Variants in TRAPPC9 observed in about 807,000 individuals in gnomAD.
The protein encoded by TRAPPC9 is IKK2 binding protein.
Under a neutral mutation model 124.0 loss-of-function variants are expected in TRAPPC9, and 83 were observed. The ratio of observed to expected loss-of-function variants is 0.67; its 90% CI spans 0.56 to 0.80. TRAPPC9 has a LOEUF of 0.80. Ranked by LOEUF, TRAPPC9 falls within the 30% of genes least tolerant of loss-of-function variation. TRAPPC9 has a pLI of 0.00. For synonymous variants in TRAPPC9, 638 were observed against 617.5 expected (o/e 1.03, Z -0.49); for missense variants, 1,302 against 1,508.3 (o/e 0.86, Z 2.27).
At chr8:140,214,803 T>C (rs1039803225) in intron 17 of TRAPPC9, among the ~76,000 whole-genome samples, 8 of 152,114 alleles carry the variant, frequency 5.3e-5, no homozygotes, top group African/African-American at 1.9e-4. Flanking sequence ...TCTAGCTAAA[T>C]GGAGGAAGGC....
chr8:140,324,386 T>G (rs1039883505), intron 9 of TRAPPC9, among the ~76,000 whole-genome samples: 3 of 152,108 alleles, frequency 2.0e-5, no homozygotes, highest in African/African-American at 7.2e-5. Flanking sequence ...TAACAGAGCT[T>G]TACAATACAT....
chr8:139,751,794 G>GT (rs34329502), intron 21 of TRAPPC9, among the ~76,000 whole-genome samples: 1 of 146,308 alleles, frequency 6.8e-6, no homozygotes, highest in African/African-American at 2.6e-5. Flanking sequence ...CTGCCCCTTT[G>GT]ATTTTATTGG....
intron 2 of TRAPPC9, among the ~76,000 whole-genome samples, chr8:140,444,089 G>A (rs1405589133): frequency 6.9e-6 from 1 of 144,392 alleles, no homozygotes; most frequent in African/African-American, 2.6e-5. Flanking sequence ...GCACACACCT[G>A]TAGTCCCAGC....
chr8:140,287,531 G>A (rs1460568294), intron 13 of TRAPPC9, 77 bp downstream of exon 13: 26 of 1,580,074 alleles, frequency 1.6e-5, no homozygotes, highest in Admixed American at 6.7e-5. Context: ...ACGGGCGATC[G>A]GCTCTGGACC....
At chr8:140,427,703 C>G (rs186171445) in intron 4 of TRAPPC9, among the ~76,000 whole-genome samples, 18 of 152,166 alleles carry the variant, frequency 1.2e-4, no homozygotes, top group African/African-American at 4.1e-4. Context: ...AAAGGTATGT[C>G]CCAATAATCT....
chr8:140,191,245 A>G lies in TRAPPC9; in HGVS notation c.2556+30214T>C, dbSNP rs76000789. 7.4e-3 allele frequency among the ~76,000 whole-genome samples: 1,134 copies of G among 152,286 alleles called. 19 individuals are homozygous for G. The highest frequency in any genetic ancestry group is 0.026 in the African/African-American group (1,087 of 41,546). ...ACAAGAGCTGGTTGAGATCCATATT[A>G]TTCTTATTTTTCAAATAAACTGAGG... On this transcript the variant is annotated intron_variant, in intron 17 of 22. Coordinates refer to ENST00000438773, the MANE Select transcript of TRAPPC9 (RefSeq NM_001160372.4).
intron 21 of TRAPPC9, among the ~76,000 whole-genome samples, chr8:139,792,140 C>T (rs1822733226): frequency 6.6e-6 from 1 of 152,154 alleles, no homozygotes; most frequent in South Asian, 2.1e-4. Context: ...TACAGAGGCT[C>T]TAGGGGTAGA....
chr8:140,183,024 G>GA (rs1462071770), intron 17 of TRAPPC9, among the ~76,000 whole-genome samples: 2 of 148,440 alleles, frequency 1.3e-5, no homozygotes, highest in Admixed American at 6.6e-5. Flanking sequence ...CTGCATTATT[G>GA]GGGAAAAAAA....
intron 21 of TRAPPC9, among the ~76,000 whole-genome samples, chr8:139,774,624 C>G (rs1473798206): frequency 2.6e-5 from 4 of 152,218 alleles, no homozygotes; most frequent in African/African-American, 9.6e-5. Context: ...CCTCGGCCTC[C>G]CCAGGACCAG....
chr8:139,981,756 T>G (rs72683302), intron 19 of TRAPPC9, among the ~76,000 whole-genome samples: 107 of 152,300 alleles, frequency 7.0e-4, no homozygotes, highest in Non-Finnish European at 1.2e-3. Flanking sequence ...GAGGAGAAGT[T>G]GTGGAGCCCC....
chr8:140,186,862 C>A (rs1029729927), intron 17 of TRAPPC9, among the ~76,000 whole-genome samples: 1 of 152,156 alleles, frequency 6.6e-6, no homozygotes, highest in Admixed American at 6.5e-5. Context: ...CCCAACATTG[C>A]AAAATCTTTC....
chr8:139,892,047 T>C (rs1830385662), intron 20 of TRAPPC9, among the ~76,000 whole-genome samples: 1 of 152,142 alleles, frequency 6.6e-6, no homozygotes, highest in Non-Finnish European at 1.5e-5. Flanking sequence ...TGTTTCTGCA[T>C]GAATATGTGC....
At chr8:140,261,888 A>T (rs1385382504) in intron 15 of TRAPPC9, among the ~76,000 whole-genome samples, 1 of 152,114 alleles carries the variant, frequency 6.6e-6, no homozygotes, top group Admixed American at 6.6e-5. Flanking sequence ...GCCCAACACA[A>T]CCTGGAAGGA....
At chr8:140,369,017 A>G (rs575630353) in intron 8 of TRAPPC9, among the ~76,000 whole-genome samples, 17 of 152,362 alleles carry the variant, frequency 1.1e-4, no homozygotes, top group Non-Finnish European at 2.1e-4. Context: ...CGTGCCGTCC[A>G]TGGCTGCTTT....
chr8:140,030,096 T>C (rs1043726802), intron 17 of TRAPPC9, among the ~76,000 whole-genome samples: 1 of 152,130 alleles, frequency 6.6e-6, no homozygotes, highest in Non-Finnish European at 1.5e-5. Flanking sequence ...CATTTATAGT[T>C]TTTTAAAAAC....
At chr8:140,340,438 G>A (rs1443547319) in intron 9 of TRAPPC9, among the ~76,000 whole-genome samples, 1 of 152,154 alleles carries the variant, frequency 6.6e-6, no homozygotes, top group Middle Eastern at 3.2e-3. Flanking sequence ...AGAAAGAACT[G>A]TACAGCCTCA....
At chr8:139,979,303 G>A (rs1318813383) in intron 19 of TRAPPC9, among the ~76,000 whole-genome samples, 1 of 152,156 alleles carries the variant, frequency 6.6e-6, no homozygotes, top group Non-Finnish European at 1.5e-5. Flanking sequence ...AGGAAGGAGG[G>A]GTCCTGGGCT....
At chr8:140,150,217 G>A (rs1304342740) in intron 17 of TRAPPC9, among the ~76,000 whole-genome samples, 4 of 152,234 alleles carry the variant, frequency 2.6e-5, no homozygotes, top group Non-Finnish European at 2.9e-5. Context: ...GGAGGCTGAG[G>A]CAGGCAGATT....
intron 19 of TRAPPC9, among the ~76,000 whole-genome samples, chr8:139,917,685 C>A (rs971944262): frequency 1.3e-5 from 2 of 152,284 alleles, no homozygotes; most frequent in Admixed American, 1.3e-4. Flanking sequence ...TGGGAGGGAG[C>A]AGATTCTCCT....
Sources: gnomAD v4.1 joint callset for allele counts (sites outside exome capture counted in the v4.1 genomes callset) on GRCh38, gnomAD v4.1.1 for gene constraint, MANE v1.5 for transcripts, NCBI Gene and HGNC (gene_info 2026-07-23, HGNC 2026-07-21) for gene names.